The following HIPK2 variants were observed in gnomAD, a reference collection of about 807,000 sequenced individuals.
HIPK2 encodes homeodomain-interacting protein kinase 2.
Under a neutral mutation model 113.7 loss-of-function variants are expected in HIPK2, and 27 were observed. The ratio of observed to expected loss-of-function variants is 0.24; its 90% CI spans 0.17 to 0.33. HIPK2 has a LOEUF of 0.33. Ranked by LOEUF, HIPK2 falls within the 10% of genes least tolerant of loss-of-function variation. The probability of loss-of-function intolerance (pLI) is 1.00; values close to 1 mark genes in which losing one functional copy is unlikely to be tolerated. For missense variants in HIPK2, 1,257 were observed against 1,588.0 expected, an observed-to-expected ratio of 0.79 and a Z score of 3.54; for synonymous variants, 631 against 642.2, an observed-to-expected ratio of 0.98 and a Z score of 0.26.
chr7:139,776,198 AC>A (rs982649604), intron 1 of HIPK2, among the ~76,000 whole-genome samples: 9 of 152,028 alleles, frequency 5.9e-5, no homozygotes, highest in Admixed American at 5.2e-4. Context: ...GGTTAAATGG[AC>A]CTTGTGTTCT....
At chr7:139,609,817 A>AT (rs899479738) in intron 9 of HIPK2, among the ~76,000 whole-genome samples, 18 of 152,162 alleles carry the variant, frequency 1.2e-4, no homozygotes, top group Non-Finnish European at 2.1e-4. Flanking sequence ...ATAGGGCAGG[A>AT]TTTTTTTCAC....
chr7:139,649,478 G>C (rs1801377606), intron 2 of HIPK2, among the ~76,000 whole-genome samples: 1 of 152,162 alleles, frequency 6.6e-6, no homozygotes, highest in African/African-American at 2.4e-5. Context: ...TTTTTATTCA[G>C]GCAAAATCTG....
At chr7:139,760,090 C>T (rs1442090654) in intron 1 of HIPK2, among the ~76,000 whole-genome samples, 1 of 151,884 alleles carries the variant, frequency 6.6e-6, no homozygotes, top group East Asian at 1.9e-4. Flanking sequence ...GCAAGCTCCA[C>T]CTCCCAGGTT....
intron 1 of HIPK2, among the ~76,000 whole-genome samples, chr7:139,768,790 A>T (rs1476373046): frequency 6.6e-6 from 1 of 152,174 alleles, no homozygotes; most frequent in Non-Finnish European, 1.5e-5. Flanking sequence ...CTGGAGCCCC[A>T]CCTGGCAGTG....
At chr7:139,602,918 G>T (rs964026412) in intron 10 of HIPK2, among the ~76,000 whole-genome samples, 6 of 152,308 alleles carry the variant, frequency 3.9e-5, no homozygotes, top group African/African-American at 1.4e-4. Context: ...CTTGCCCCAG[G>T]TCATGCAGAG....
chr7:139,619,881 C>T (rs538361859), intron 7 of HIPK2, among the ~76,000 whole-genome samples: 28 of 152,326 alleles, frequency 1.8e-4, no homozygotes, highest in African/African-American at 6.0e-4. Context: ...TCACCTCTGC[C>T]TCCTGAGTAG....
At position 139,620,465 on chromosome 7, in the gene HIPK2, G is replaced by T; in HGVS notation, c.1718C>A (p.Ala573Asp). 1 of 1,614,042 alleles carries T rather than the reference G, an allele frequency of 6.2e-7. No individual in the cohort carries two copies. The highest frequency in any genetic ancestry group is 8.5e-7 in the Non-Finnish European group (1 of 1,179,944). Residue 573 changes from alanine to aspartate, a missense_variant, in exon 7 of 15, where the codon GCC becomes GAC. Physicochemically the swap from Ala to Asp is moderately radical, Grantham distance 126 (BLOSUM62 -2). Transcript: ENST00000406875. ...GGTCAGGTTGGTGGACGTGCTGGGGGCCACGTGCGTGATGAAAGGGGTTTT... is the reference window on the plus strand; with the variant it reads ...GGTCAGGTTGGTGGACGTGCTGGGGTCCACGTGCGTGATGAAAGGGGTTTT... ...QSKTPFITHV[A>D]PSTSTNLTMT...
intron 12 of HIPK2, among the ~76,000 whole-genome samples, chr7:139,593,297 A>C (rs1799087797): frequency 6.6e-6 from 1 of 152,208 alleles, no homozygotes; most frequent in African/African-American, 2.4e-5. Flanking sequence ...TCAGCCTTGC[A>C]TGCCCCATCA....
chr7:139,636,300 C>T (rs1170116988), intron 2 of HIPK2, among the ~76,000 whole-genome samples: 1 of 151,906 alleles, frequency 6.6e-6, no homozygotes, highest in Non-Finnish European at 1.5e-5. Context: ...TATCCAACTG[C>T]TGTGTGTTGG....
Position 139,626,653 on chromosome 7 carries a change from T to G in HIPK2, c.1567A>C (p.Asn523His), listed in dbSNP as rs767365986. The G allele has an allele frequency of 1.2e-6, 2 of 1,613,962 alleles. No individual in the cohort carries two copies. The highest frequency in any genetic ancestry group is 3.3e-5 in the Admixed American group (2 of 60,014). The change falls in exon 6 of 15, where the codon AAC (asparagine) becomes CAC (histidine). Residue 523 changes from asparagine (N) to histidine (H), a missense_variant. Physicochemically the swap from Asn to His is moderately conservative, Grantham distance 68. Transcript: ENST00000406875. ...DKRITPIETL[N>H]HPFVTMTHLL... ...TGTGTCATGGTGACAAAGGGATGGT[T>G]CAGGGTTTCGATTGGAGTGATTCTC...
chr7:139,770,106 A>G (rs1201593110), intron 1 of HIPK2, among the ~76,000 whole-genome samples: 2 of 152,242 alleles, frequency 1.3e-5, no homozygotes, highest in African/African-American at 4.8e-5. Flanking sequence ...GCCGTGACAC[A>G]GAATTCAGGA....
At chr7:139,719,672 AG>A (rs1466981488) in intron 1 of HIPK2, among the ~76,000 whole-genome samples, 1 of 152,224 alleles carries the variant, frequency 6.6e-6, no homozygotes, top group Non-Finnish European at 1.5e-5. Context: ...TGACTGTTCT[AG>A]TCACTTGGCT....
intron 1 of HIPK2, among the ~76,000 whole-genome samples, chr7:139,717,249 C>T (rs529849742): frequency 1.3e-5 from 2 of 152,346 alleles, no homozygotes; most frequent in South Asian, 4.1e-4. Flanking sequence ...GCCAGCAACA[C>T]AGCTGAGACT....
intron 6 of HIPK2, 29 bp downstream of exon 6, chr7:139,626,572 T>A: frequency 6.2e-7 from 1 of 1,601,346 alleles, no homozygotes; most frequent in Non-Finnish European, 8.5e-7. Context: ...TGCCGATCCC[T>A]GGTACGAAGC....
chr7:139,674,180 G>A (rs553954534), intron 2 of HIPK2, among the ~76,000 whole-genome samples: 2 of 152,016 alleles, frequency 1.3e-5, no homozygotes, highest in Non-Finnish European at 2.9e-5. Flanking sequence ...AATGTTGTGC[G>A]GCACTTTTTA....
rs550978102 is a variant in HIPK2, at chr7:139,583,960, C to A, written c.2822G>T (p.Arg941Leu). Residue 941 changes from arginine to leucine, a missense_variant, in exon 13 of 15, where the codon CGT becomes CTT. Arg to Leu is a moderately radical substitution (Grantham distance 102). Around this residue, in one of 5 missense-constraint regions of HIPK2, gnomAD observed 862 missense variants for 1,004.3 expected, o/e 0.86. Coordinates refer to ENST00000406875, the MANE Select transcript of HIPK2 (RefSeq NM_022740.5). Reference protein sequence around the residue: ...SNTSPYSVQQRAGHNNANAFD... With the variant: ...SNTSPYSVQQLAGHNNANAFD... Reference sequence around the variant, plus strand: ...GGCATTGGCATTGTTGTGCCCAGCACGCTGCTGCACGGAGTAGGGGCTGGT... The same window carrying A: ...GGCATTGGCATTGTTGTGCCCAGCAAGCTGCTGCACGGAGTAGGGGCTGGT... 6 of 1,614,030 alleles carry A rather than the reference C, an allele frequency of 3.7e-6. No homozygotes were observed. Among genetic ancestry groups the A allele is most frequent in the Middle Eastern group, 1.6e-4 (1 of 6,062 alleles).
At chr7:139,747,749 G>C (rs1796213062) in intron 1 of HIPK2, among the ~76,000 whole-genome samples, 1 of 152,310 alleles carries the variant, frequency 6.6e-6, no homozygotes, top group South Asian at 2.1e-4. Flanking sequence ...AGGCACCCCC[G>C]GTTTTTCCCT....
chr7:139,583,644 G>A, intron 13 of HIPK2, 173 bp downstream of exon 13: 1 of 892,530 alleles, frequency 1.1e-6, no homozygotes, highest in Non-Finnish European at 1.7e-6. Flanking sequence ...ACAATGTGCT[G>A]TTCAGCAGAA....
At chr7:139,690,552 C>T (rs1325884623) in intron 2 of HIPK2, among the ~76,000 whole-genome samples, 1 of 152,028 alleles carries the variant, frequency 6.6e-6, no homozygotes, top group Non-Finnish European at 1.5e-5. Context: ...AAAGAGCCAG[C>T]CCCAGCACTT....
Sources: gnomAD v4.1 joint callset for allele counts (sites outside exome capture counted in the v4.1 genomes callset) on GRCh38, gnomAD v4.1.1 for gene constraint, gnomAD v4.1.1 regional missense constraint, MANE v1.5 for transcripts, NCBI Gene and HGNC (gene_info 2026-07-23, HGNC 2026-07-21) for gene names.